ZNF407: variants seen among roughly 807,000 people sequenced by gnomAD.
The protein encoded by ZNF407 is zinc finger protein 407.
ZNF407 carries 17 observed loss-of-function variants against 131.2 expected under a neutral mutation model. The ratio of observed to expected loss-of-function variants is 0.13; its 90% CI spans 0.09 to 0.19. ZNF407 has a LOEUF of 0.19. Among genes scored for constraint, ZNF407 ranks in the 10% least tolerant of loss-of-function variants. ZNF407 has a pLI of 1.00. For missense variants in ZNF407, 2,681 were observed against 2,830.6 expected (o/e 0.95, Z 1.20); for synonymous variants, 1,156 against 1,062.0 (o/e 1.09, Z -1.72).
At chr18:74,976,644 T>C (rs1236035266) in intron 8 of ZNF407, among the ~76,000 whole-genome samples, 1 of 152,234 alleles carries the variant, frequency 6.6e-6, no homozygotes, top group East Asian at 1.9e-4. Context: ...TTGTTGTAGA[T>C]GTCTGCCGAG....
chr18:74,951,571 A>G (rs889640971), intron 8 of ZNF407, among the ~76,000 whole-genome samples: 2 of 152,186 alleles, frequency 1.3e-5, no homozygotes, highest in Non-Finnish European at 2.9e-5. Context: ...GATCATCATC[A>G]TAGCATCCCT....
intron 8 of ZNF407, among the ~76,000 whole-genome samples, chr18:74,962,623 C>G (rs577769548): frequency 5.1e-4 from 77 of 152,360 alleles, no homozygotes; most frequent in African/African-American, 1.7e-3. Context: ...ATATGCCATG[C>G]CCAGTCCTCC....
intron 1 of ZNF407, among the ~76,000 whole-genome samples, chr18:74,607,066 G>T (rs1022970887): frequency 3.3e-5 from 5 of 152,242 alleles, no homozygotes; most frequent in African/African-American, 9.6e-5. Flanking sequence ...ACAGGAGGCA[G>T]GTGTTTCGTC....
chr18:74,964,503 T>C (rs1437726496), intron 8 of ZNF407, among the ~76,000 whole-genome samples: 1 of 152,020 alleles, frequency 6.6e-6, no homozygotes, highest in Non-Finnish European at 1.5e-5. Flanking sequence ...TCAAAATTTA[T>C]CCATCTTGCT....
chr18:74,708,459 C>T (rs1417490349), intron 3 of ZNF407, among the ~76,000 whole-genome samples: 1 of 152,234 alleles, frequency 6.6e-6, no homozygotes, highest in Non-Finnish European at 1.5e-5. Flanking sequence ...CTATTTATAA[C>T]TTCATTCTGA....
intron 8 of ZNF407, among the ~76,000 whole-genome samples, chr18:75,014,075 G>A (rs958951793): frequency 6.6e-6 from 1 of 152,056 alleles, no homozygotes; most frequent in African/African-American, 2.4e-5. Context: ...GCAGTTTGGG[G>A]TAGCTTGGTC....
chr18:74,944,046 A>G (rs968717454), intron 8 of ZNF407, among the ~76,000 whole-genome samples: 33 of 152,318 alleles, frequency 2.2e-4, no homozygotes, highest in Admixed American at 1.8e-3. Flanking sequence ...CTGAAGTTCA[A>G]AAGTGGATTA....
intron 3 of ZNF407, among the ~76,000 whole-genome samples, chr18:74,735,858 C>T (rs1968399864): frequency 6.6e-6 from 1 of 152,162 alleles, no homozygotes; most frequent in Admixed American, 6.5e-5. Context: ...AACAGAAAAG[C>T]TGTTGTCAAG....
chr18:74,785,957 T>C (rs1969703186), intron 4 of ZNF407, among the ~76,000 whole-genome samples: 1 of 152,204 alleles, frequency 6.6e-6, no homozygotes, highest in African/African-American at 2.4e-5. Flanking sequence ...ACATGATGTG[T>C]GCAGTTGTGA....
intron 8 of ZNF407, among the ~76,000 whole-genome samples, chr18:74,948,646 C>G (rs1972180933): frequency 6.6e-6 from 1 of 152,122 alleles, no homozygotes; most frequent in South Asian, 2.1e-4. Context: ...ATAATTCTCT[C>G]TCATCACATC....
chr18:74,989,058 A>C (rs996909039), intron 8 of ZNF407, among the ~76,000 whole-genome samples: 12 of 152,218 alleles, frequency 7.9e-5, no homozygotes, highest in African/African-American at 2.9e-4. Context: ...AAGTAATCGA[A>C]AGTTAGAAAC....
chr18:74,646,221 A>G (rs941717744), intron 3 of ZNF407, among the ~76,000 whole-genome samples: 8 of 152,232 alleles, frequency 5.3e-5, no homozygotes. Context: ...AATCATTAAA[A>G]GCACCATGGA....
chr18:74,868,089 A>G (rs1005339592), intron 4 of ZNF407, among the ~76,000 whole-genome samples: 1 of 152,256 alleles, frequency 6.6e-6, no homozygotes. Flanking sequence ...TCATCTTAAA[A>G]TAATGTCATC....
chr18:74,886,912 A>G (rs897886634), intron 6 of ZNF407, among the ~76,000 whole-genome samples: 1 of 152,202 alleles, frequency 6.6e-6, no homozygotes, highest in Non-Finnish European at 1.5e-5. Flanking sequence ...TTGGCCTCAT[A>G]CGGCCAGTCT....
chr18:74,726,203 A>C (rs555975996), intron 3 of ZNF407, among the ~76,000 whole-genome samples: 1 of 152,214 alleles, frequency 6.6e-6, no homozygotes, highest in Non-Finnish European at 1.5e-5. Flanking sequence ...GTTGCATCTC[A>C]AGCTCTTAGA....
chr18:74,922,782 T>A (rs983996203), intron 8 of ZNF407, among the ~76,000 whole-genome samples: 2 of 152,036 alleles, frequency 1.3e-5, no homozygotes, highest in African/African-American at 4.8e-5. Context: ...TATCGAAGAG[T>A]CTAGGAGTTT....
intron 1 of ZNF407, among the ~76,000 whole-genome samples, chr18:74,609,614 C>T (rs1437270566): frequency 6.6e-6 from 1 of 152,112 alleles, no homozygotes; most frequent in Non-Finnish European, 1.5e-5. Context: ...TGAGAGAATG[C>T]GAAGGCCTAG....
chr18:74,895,858 A>G (rs1456636517), intron 7 of ZNF407, among the ~76,000 whole-genome samples: 1 of 152,060 alleles, frequency 6.6e-6, no homozygotes, highest in Non-Finnish European at 1.5e-5. Context: ...ACAGGGAATA[A>G]TTTTCTTCTT....
intron 8 of ZNF407, among the ~76,000 whole-genome samples, chr18:75,052,205 T>C (rs1042110154): frequency 6.6e-4 from 101 of 152,238 alleles, no homozygotes; most frequent in African/African-American, 2.1e-3. Context: ...ATGGAAATGT[T>C]ACATTTGATT....
Sources: allele counts gnomAD v4.1 joint callset (sites outside exome capture counted in the v4.1 genomes callset), GRCh38; gene constraint gnomAD v4.1.1; transcripts MANE v1.5; gene names NCBI Gene and HGNC (gene_info 2026-07-23, HGNC 2026-07-21).